The following DPP6 variants were observed in gnomAD, a reference collection of about 807,000 sequenced individuals.
The protein encoded by DPP6 is A-type potassium channel modulatory protein DPP6.
DPP6 carries 69 observed loss-of-function variants against 122.6 expected under a neutral mutation model. The observed-to-expected ratio is 0.56, with a 90% CI of 0.46 to 0.69. The LOEUF is 0.69. DPP6 is among the 30% of genes least tolerant of loss of function. DPP6 has a pLI of 0.00. For missense variants in DPP6, 928 were observed against 1,116.9 expected, an observed-to-expected ratio of 0.83 and a Z score of 2.41; for synonymous variants, 418 against 433.1, an observed-to-expected ratio of 0.97 and a Z score of 0.43.
intron 1 of DPP6, among the ~76,000 whole-genome samples, chr7:154,030,399 C>A (rs1799167213): frequency 6.6e-6 from 1 of 152,110 alleles, no homozygotes; most frequent in African/African-American, 2.4e-5. Context: ...TGAGTTGGGA[C>A]CTGAGACCTG....
At position 154,164,575 on chromosome 7, in the gene DPP6, T is replaced by C. The variant is rs189009554; in HGVS notation, c.243+111512T>C. ...CATCACCCCCAGTCTAATTTTAGAA[T>C]ATTTTCATCATCCAAAATAGAAATC... On this transcript the variant is annotated intron_variant, in intron 1 of 25. Coordinates refer to ENST00000377770, the MANE Select transcript of DPP6 (RefSeq NM_130797.4). Among the ~76,000 whole-genome samples, 4 of 152,322 alleles carry C rather than the reference T, an allele frequency of 2.6e-5. No homozygotes were observed. The East Asian group carries it at 7.7e-4, about 29-fold the overall frequency.
At chr7:154,621,277 T>A (rs1346721476) in intron 5 of DPP6, among the ~76,000 whole-genome samples, 1 of 152,228 alleles carries the variant, frequency 6.6e-6, no homozygotes, top group Admixed American at 6.5e-5. Flanking sequence ...ATCTCCACGG[T>A]CTTATAACTT....
intron 1 of DPP6, among the ~76,000 whole-genome samples, chr7:154,287,530 A>G (rs1804934633): frequency 6.6e-6 from 1 of 152,192 alleles, no homozygotes; most frequent in Non-Finnish European, 1.5e-5. Flanking sequence ...TGTCATTGCC[A>G]TCTATTCTCC....
At chr7:154,085,002 A>AAAAC (rs1554457731) in intron 1 of DPP6, among the ~76,000 whole-genome samples, 1 of 151,576 alleles carries the variant, frequency 6.6e-6, no homozygotes, top group Non-Finnish European at 1.5e-5. Context: ...AAAAAAAAAA[A>AAAAC]AAAAAAAAAC....
At chr7:154,076,533 C>T (rs933497782) in intron 1 of DPP6, among the ~76,000 whole-genome samples, 1 of 150,614 alleles carries the variant, frequency 6.6e-6, no homozygotes, top group African/African-American at 2.4e-5. Context: ...GCAGATAATA[C>T]AGAAGAACCT....
intron 7 of DPP6, among the ~76,000 whole-genome samples, chr7:154,709,626 T>C (rs1253954349): frequency 6.6e-6 from 1 of 150,764 alleles, no homozygotes; most frequent in Non-Finnish European, 1.5e-5. Context: ...AAACAAATAC[T>C]TGTAGTCACA....
intron 7 of DPP6, among the ~76,000 whole-genome samples, chr7:154,702,407 C>G (rs1045953921): frequency 1.3e-5 from 2 of 152,242 alleles, no homozygotes; most frequent in African/African-American, 4.8e-5. Context: ...AGCCAGGCCT[C>G]TTGTGCCAAA....
intron 5 of DPP6, among the ~76,000 whole-genome samples, chr7:154,570,773 TG>T (rs1403315739): frequency 6.6e-6 from 1 of 152,218 alleles, no homozygotes; most frequent in Non-Finnish European, 1.5e-5. Context: ...GCCAACCCTA[TG>T]TTTTTTTGAG....
intron 7 of DPP6, among the ~76,000 whole-genome samples, chr7:154,701,239 A>T (rs1157576199): frequency 6.6e-6 from 1 of 152,102 alleles, no homozygotes; most frequent in Non-Finnish European, 1.5e-5. Flanking sequence ...CTCACCACAG[A>T]CTGGGCTTTC....
chr7:154,429,615 C>T (rs936868276), intron 1 of DPP6, among the ~76,000 whole-genome samples: 9 of 152,140 alleles, frequency 5.9e-5, no homozygotes, highest in African/African-American at 1.9e-4. Flanking sequence ...ACAACACAAA[C>T]GCTGTTTATT....
At chr7:153,931,912 G>A (rs565966651) in intron 1 of DPP6, among the ~76,000 whole-genome samples, 3 of 152,098 alleles carry the variant, frequency 2.0e-5, no homozygotes, top group South Asian at 2.1e-4. Context: ...AACAATCTTC[G>A]TGCACCGGCT....
intron 1 of DPP6, among the ~76,000 whole-genome samples, chr7:154,005,289 T>G (rs1017523898): frequency 2.0e-5 from 3 of 152,174 alleles, no homozygotes; most frequent in African/African-American, 7.2e-5. Flanking sequence ...ATCTGAGAAG[T>G]TGGCTGGTCC....
At chr7:154,505,360 G>A (rs951221760) in intron 3 of DPP6, among the ~76,000 whole-genome samples, 2 of 152,048 alleles carry the variant, frequency 1.3e-5, no homozygotes, top group Admixed American at 6.6e-5. Context: ...ATTATGCAAC[G>A]TTTGACACAA....
intron 10 of DPP6, among the ~76,000 whole-genome samples, chr7:154,787,317 G>A (rs999091132): frequency 6.6e-6 from 1 of 151,948 alleles, no homozygotes; most frequent in Non-Finnish European, 1.5e-5. Flanking sequence ...CATTTATTTG[G>A]GTTTTTTTAA....
chr7:154,869,928 A>AG (rs1159095948), intron 18 of DPP6, among the ~76,000 whole-genome samples: 2 of 145,402 alleles, frequency 1.4e-5, no homozygotes, highest in East Asian at 4.4e-4. Context: ...ACGCCAGGGA[A>AG]GGGGGCATGA....
At chr7:154,505,973 C>T (rs941596748) in intron 3 of DPP6, among the ~76,000 whole-genome samples, 1 of 151,968 alleles carries the variant, frequency 6.6e-6, no homozygotes, top group Non-Finnish European at 1.5e-5. Flanking sequence ...TGTCTACTCT[C>T]CCCCATTTAT....
intron 1 of DPP6, among the ~76,000 whole-genome samples, chr7:154,154,983 G>T (rs1796610867): frequency 6.6e-6 from 1 of 152,166 alleles, no homozygotes. Context: ...TGCTCAGGAG[G>T]TGGGCTGGGC....
intron 1 of DPP6, among the ~76,000 whole-genome samples, chr7:153,927,239 G>A (rs1158087685): frequency 6.6e-6 from 1 of 152,112 alleles, no homozygotes; most frequent in South Asian, 2.1e-4. Context: ...CTTGAGTGCC[G>A]GAGTTCGAGT....
chr7:154,516,271 T>C (rs1327595025), intron 3 of DPP6, among the ~76,000 whole-genome samples: 3 of 152,150 alleles, frequency 2.0e-5, no homozygotes, highest in African/African-American at 7.2e-5. Flanking sequence ...CTGCTTTTTT[T>C]TTTTTTGGTC....
Sources: allele counts gnomAD v4.1 joint callset (sites outside exome capture counted in the v4.1 genomes callset), GRCh38; gene constraint gnomAD v4.1.1; transcripts MANE v1.5; gene names NCBI Gene and HGNC (gene_info 2026-07-23, HGNC 2026-07-21).